ADGRG7: variants seen among roughly 807,000 people sequenced by gnomAD.
The protein encoded by ADGRG7 is adhesion G protein-coupled receptor G7.
Under a neutral mutation model 88.6 loss-of-function variants are expected in ADGRG7, and 82 were observed. The observed-to-expected ratio is 0.93, with a 90% CI of 0.77 to 1.11. The LOEUF (loss-of-function observed/expected upper bound fraction) is 1.11, where lower values mean the gene tolerates loss of function less well. Among genes scored for constraint, ADGRG7 ranks in the 50% most tolerant of loss-of-function variants. ADGRG7 has a pLI of 0.00. For missense variants in ADGRG7, 945 were observed against 953.4 expected (o/e 0.99, Z 0.12); for synonymous variants, 381 against 345.2 (o/e 1.10, Z -1.15).
In ADGRG7 at chr3:100,664,711, T is replaced by C. The variant is rs1342503627; in HGVS notation, c.1980-4238T>C. Among the ~76,000 whole-genome samples the C allele has an allele frequency of 4.6e-5, 7 of 152,314 alleles. No individual in the cohort carries two copies. In the East Asian group the frequency reaches 1.3e-3, roughly 29 times the overall value. ...AGTATTTGTCAAAAGGAGGCAACTG[T>C]TGTCTCTCACAATCTAATATATCCA... On this transcript the variant is annotated intron_variant, in intron 14 of 15. Transcript: ENST00000273352.
chr3:100,670,594 G>T (rs988957037), intron 15 of ADGRG7, among the ~76,000 whole-genome samples: 11 of 151,926 alleles, frequency 7.2e-5, no homozygotes, highest in Non-Finnish European at 4.4e-5. Context: ...TAAGTTCTGG[G>T]GTACATGTGC....
intron 1 of ADGRG7, among the ~76,000 whole-genome samples, chr3:100,618,019 G>A (rs952032349): frequency 9.9e-5 from 15 of 152,154 alleles, no homozygotes; most frequent in Admixed American, 2.0e-4. Flanking sequence ...GTCTTCTGTC[G>A]AGAAGTGTCT....
chr3:100,676,620 G>C (rs1230910957), intron 15 of ADGRG7, among the ~76,000 whole-genome samples: 1 of 152,032 alleles, frequency 6.6e-6, no homozygotes, highest in African/African-American at 2.4e-5. Flanking sequence ...GGCCCATTTA[G>C]TATATAGTGC....
intron 1 of ADGRG7, among the ~76,000 whole-genome samples, chr3:100,617,978 A>G (rs6770367): frequency 0.08 from 12,096 of 152,132 alleles, 697 homozygotes; most frequent in East Asian, 0.25. Flanking sequence ...GATGATGAGC[A>G]TTTTTTCATG....
At chr3:100,671,628 C>A (rs914762452) in intron 15 of ADGRG7, among the ~76,000 whole-genome samples, 2 of 152,174 alleles carry the variant, frequency 1.3e-5, no homozygotes, top group African/African-American at 4.8e-5. Context: ...GAAGTCTTTG[C>A]ACATGCCTTT....
intron 14 of ADGRG7, among the ~76,000 whole-genome samples, chr3:100,665,936 G>A (rs989510836): frequency 6.6e-5 from 10 of 152,100 alleles, no homozygotes; most frequent in African/African-American, 2.2e-4. Flanking sequence ...ATAACAAATT[G>A]CCCCAAAACT....
intron 1 of ADGRG7, among the ~76,000 whole-genome samples, chr3:100,611,057 G>A (rs1449363789): frequency 6.6e-6 from 1 of 152,150 alleles, no homozygotes; most frequent in African/African-American, 2.4e-5. Flanking sequence ...ACTAGAATGA[G>A]AAAATTTACC....
chr3:100,655,377 T>C (rs2094936261), intron 12 of ADGRG7, among the ~76,000 whole-genome samples, 196 bp downstream of exon 12: 1 of 152,172 alleles, frequency 6.6e-6, no homozygotes, highest in Non-Finnish European at 1.5e-5. Flanking sequence ...AAGGCAAGAA[T>C]ACGAGATACA....
chr3:100,642,551 T>C (rs1262614889), intron 6 of ADGRG7, among the ~76,000 whole-genome samples: 1 of 152,216 alleles, frequency 6.6e-6, no homozygotes, highest in Non-Finnish European at 1.5e-5. Context: ...TTATTTTACA[T>C]ACAGAGGTTT....
At chr3:100,673,298 G>A (rs2094960987) in intron 15 of ADGRG7, among the ~76,000 whole-genome samples, 1 of 151,874 alleles carries the variant, frequency 6.6e-6, no homozygotes. Flanking sequence ...GACTTGGGAG[G>A]GTGTATGTGT....
At chr3:100,646,182 GTAGAGTAA>G in intron 9 of ADGRG7, 74 bp downstream of exon 9, 1 of 755,972 alleles carries the variant, frequency 1.3e-6, no homozygotes, top group South Asian at 1.4e-5. Flanking sequence ...CTGAGACTGA[GTAGAGTAA>G]TACAGGGGAA....
intron 13 of ADGRG7, among the ~76,000 whole-genome samples, chr3:100,656,209 C>T (rs1052400344): frequency 3.3e-5 from 5 of 152,096 alleles, no homozygotes; most frequent in Non-Finnish European, 5.9e-5. Context: ...TAATCACCTT[C>T]GAAATTTATA....
intron 15 of ADGRG7, among the ~76,000 whole-genome samples, chr3:100,674,581 T>C (rs202100212): frequency 3.6e-4 from 12 of 33,480 alleles, no homozygotes; most frequent in Non-Finnish European, 1.1e-3. Context: ...CTTAATTCCT[T>C]TTTTTTTTTT....
chr3:100,668,641 T>G (rs1284589812), intron 14 of ADGRG7, among the ~76,000 whole-genome samples: 2 of 152,222 alleles, frequency 1.3e-5, no homozygotes, highest in Non-Finnish European at 2.9e-5. Context: ...TGTAGTAATA[T>G]TCACAAAATG....
At chr3:100,677,751 T>G (rs2094967561) in intron 15 of ADGRG7, among the ~76,000 whole-genome samples, 1 of 152,124 alleles carries the variant, frequency 6.6e-6, no homozygotes, top group South Asian at 2.1e-4. Flanking sequence ...ATGTCACTCT[T>G]TTTTGGGCTA....
chr3:100,694,777 A>G lies in ADGRG7; in HGVS notation c.2170A>G (p.Thr724Ala). 1.9e-6 allele frequency: 3 copies of G among 1,614,150 alleles called. No homozygotes were observed. The highest frequency in any genetic ancestry group is 1.1e-5 in the South Asian group (1 of 91,086). The change falls in exon 16 of 16, where the codon ACA becomes GCA. Residue 724 changes from threonine (T) to alanine (A), a missense_variant. By Grantham distance (58) the Thr-to-Ala change is moderately conservative. Transcript: ENST00000273352. Reference protein sequence around the residue: ...LQIFILYTVRTKVFQSEASKV... With the variant: ...LQIFILYTVRAKVFQSEASKV... ...AATTTTTATCCTGTACACTGTTAGA[A>G]CAAAAGTCTTCCAGAGTGAAGCTTC...
At position 100,634,614 on chromosome 3, in the gene ADGRG7, G is replaced by A. The variant is rs536322015; in HGVS notation, c.448-1063G>A. ...CACAGATGGGCAGGGTAGGGGTTGG[G>A]TGGGAACAGAAGTTGGAGAGTGGAT... On this transcript the variant is annotated intron_variant, in intron 4 of 15. Transcript: ENST00000273352. Among the ~76,000 whole-genome samples the A allele has an allele frequency of 3.9e-5, 6 of 152,254 alleles. No individual in the cohort carries two copies. The South Asian group carries it at 1.2e-3, about 32-fold the overall frequency.
At position 100,695,157 on chromosome 3, in the gene ADGRG7, A is replaced by G. The variant is rs2095000278; in HGVS notation, c.*156A>G. Reference sequence around the variant, plus strand: ...AACCTGTTGTTTATTATTATTCGGCATAATGGACTTGGTAGTTTTTCTATT... The same window carrying G: ...AACCTGTTGTTTATTATTATTCGGCGTAATGGACTTGGTAGTTTTTCTATT... On this transcript the variant is annotated 3_prime_UTR_variant, in exon 16 of 16. Transcript: ENST00000273352. 5.6e-6 allele frequency: 4 copies of G among 719,060 alleles called. No individual in the cohort carries two copies. Among genetic ancestry groups the G allele is most frequent in the South Asian group, 2.0e-5 (1 of 48,886 alleles). The allele number at this position is 719,060 out of a possible 1,614,324, so 44.5% of individuals were successfully genotyped here. A position where few individuals can be genotyped will look rare whatever the true frequency, so the allele number is the denominator to read the frequency against.
intron 14 of ADGRG7, among the ~76,000 whole-genome samples, chr3:100,667,694 T>G (rs886475294): frequency 3.3e-5 from 5 of 152,262 alleles, no homozygotes; most frequent in African/African-American, 1.2e-4. Flanking sequence ...ATATGCCCAG[T>G]AATGGGATTG....
Sources: allele counts gnomAD v4.1 joint callset (sites outside exome capture counted in the v4.1 genomes callset), GRCh38; gene constraint gnomAD v4.1.1; transcripts MANE v1.5; gene names NCBI Gene and HGNC (gene_info 2026-07-23, HGNC 2026-07-21).